CDC14A: variants seen among roughly 807,000 people sequenced by gnomAD.
CDC14A encodes dual specificity protein phosphatase CDC14A.
A neutral mutation model predicts 74.4 loss-of-function variants in CDC14A; 53 were observed. That is an observed-to-expected ratio of 0.71 (90% confidence interval 0.57 to 0.89). CDC14A has a LOEUF of 0.89. CDC14A is among the 40% of genes least tolerant of loss of function. The pLI is 0.00. For synonymous variants in CDC14A, 247 were observed against 258.4 expected, an observed-to-expected ratio of 0.96 and a Z score of 0.43; for missense variants, 646 against 713.7, an observed-to-expected ratio of 0.91 and a Z score of 1.08.
chr1:100,485,978 C>G (rs1420218303), intron 11 of CDC14A: 1 of 152,156 alleles, frequency 6.6e-6, no homozygotes, highest in African/African-American at 2.4e-5. Context: ...GATGTTAGAG[C>G]CTTTGTTGAC....
At position 100,377,599 on chromosome 1, in the gene CDC14A, G is replaced by C; in HGVS notation, c.194G>C (p.Cys65Ser). 6.2e-7 allele frequency: 1 copy of C among 1,612,306 alleles called. No homozygotes were observed. The highest frequency in any genetic ancestry group is 8.5e-7 in the Non-Finnish European group (1 of 1,178,572). ...TTGGCAATGGTGTACAGATATTGCT[G>C]CAAACTAAACAAGAAACTAAAAGTG... ...LNLAMVYRYC[C>S]KLNKKLKSYS... is the part of the protein sequence containing the mutation. Residue 65 changes from cysteine to serine, a missense_variant, in exon 3 of 16, where the codon TGC becomes TCC. Coordinates refer to ENST00000336454, the MANE Select transcript of CDC14A (RefSeq NM_003672.4).
chr1:100,515,508 C>T (rs539030947), intron 15 of CDC14A, among the ~76,000 whole-genome samples: 53 of 151,980 alleles, frequency 3.5e-4, no homozygotes, highest in Non-Finnish European at 6.8e-4. Context: ...CTCAACCTCC[C>T]GAGTAGCTGG....
At chr1:100,431,025 G>A (rs947990273) in intron 5 of CDC14A, among the ~76,000 whole-genome samples, 2 of 152,158 alleles carry the variant, frequency 1.3e-5, no homozygotes, top group African/African-American at 4.8e-5. Flanking sequence ...GAAAATAGAT[G>A]GCTTTTCCAG....
chr1:100,508,792 C>T lies in CDC14A; in HGVS notation c.1756-9459C>T, dbSNP rs140341111. The stretch of plus-strand genomic sequence containing the variant: ...TACCCACATGAATGGAACACCCAGC[C>T]ACTTCTGCAGGCTTCCAGCTGTGTA... On this transcript the variant is annotated intron_variant, in intron 15 of 15. Transcript: ENST00000336454. This position sits in a 1 kb window ranked among gnomAD's most constrained non-coding sequence, Gnocchi z 4.4. Among the ~76,000 whole-genome samples, 3 of 152,346 alleles carry T rather than the reference C, an allele frequency of 2.0e-5. No individual in the cohort carries two copies. The East Asian group carries it at 5.8e-4, about 29-fold the overall frequency.
intron 4 of CDC14A, among the ~76,000 whole-genome samples, chr1:100,415,127 T>A (rs1360168187): frequency 2.0e-5 from 3 of 152,182 alleles, no homozygotes; most frequent in African/African-American, 7.2e-5. Context: ...CTGGTTGTAA[T>A]CAAATTAGAT....
At chr1:100,430,335 T>C (rs1332684594) in intron 5 of CDC14A, among the ~76,000 whole-genome samples, 2 of 152,164 alleles carry the variant, frequency 1.3e-5, no homozygotes, top group Non-Finnish European at 2.9e-5. Flanking sequence ...TTCACACCCC[T>C]CCCACTGGCA....
At chr1:100,350,246 C>T (rs866374171), upstream of CDC14A, among the ~76,000 whole-genome samples, 11 of 152,012 alleles carry the variant, frequency 7.2e-5, 1 homozygote, top group South Asian at 8.3e-4. Context: ...TGAGCCACCG[C>T]GCCCAGACAA....
intron 10 of CDC14A, among the ~76,000 whole-genome samples, chr1:100,476,043 T>G (rs1571291795): frequency 1.3e-5 from 2 of 152,200 alleles, no homozygotes; most frequent in East Asian, 3.8e-4. Context: ...CCACAGTTTA[T>G]TTCCTGTGGG....
At chr1:100,491,913 C>T (rs1441544239) in intron 11 of CDC14A, among the ~76,000 whole-genome samples, 6 of 149,946 alleles carry the variant, frequency 4.0e-5, no homozygotes, top group Admixed American at 1.3e-4. Flanking sequence ...CCCTCGTGGT[C>T]GTCACCACCG....
intron 15 of CDC14A, among the ~76,000 whole-genome samples, chr1:100,502,411 G>GAGT (rs1270491406): frequency 6.6e-6 from 1 of 152,196 alleles, no homozygotes; most frequent in African/African-American, 2.4e-5. Flanking sequence ...ATATTCAGTA[G>GAGT]AGTAACATGC....
At chr1:100,467,022 G>C (rs1667903669) in intron 9 of CDC14A, among the ~76,000 whole-genome samples, 1 of 151,918 alleles carries the variant, frequency 6.6e-6, no homozygotes, top group Non-Finnish European at 1.5e-5. Context: ...CTGTGACAGT[G>C]AAATTTCATG....
chr1:100,518,376 A>C lies in CDC14A; in HGVS notation c.*96A>C. On this transcript the variant is annotated 3_prime_UTR_variant, in exon 16 of 16. Coordinates refer to ENST00000336454, the MANE Select transcript of CDC14A (RefSeq NM_003672.4). ...GGGAAAGCAACTTCTTGCTGGAAGA[A>C]TATCTCTGCCTTCTTACCTTAAATT... 1.0e-6 allele frequency: 1 copy of C among 955,818 alleles called. No homozygotes were observed. Among genetic ancestry groups the C allele is most frequent in the Non-Finnish European group, 1.7e-6 (1 of 584,932 alleles). The allele number at this position is 955,818 out of a possible 1,614,324, so 59.2% of individuals were successfully genotyped here. A position where few individuals can be genotyped will look rare whatever the true frequency, so the allele number is the denominator to read the frequency against.
intron 9 of CDC14A, among the ~76,000 whole-genome samples, chr1:100,465,259 A>C (rs932472154): frequency 1.7e-4 from 26 of 152,092 alleles, no homozygotes; most frequent in African/African-American, 6.0e-4. Flanking sequence ...CACCGTACCC[A>C]GTCTGTATTG....
intron 3 of CDC14A, among the ~76,000 whole-genome samples, chr1:100,386,128 C>G (rs1169502415): frequency 2.0e-5 from 3 of 150,978 alleles, no homozygotes; most frequent in African/African-American, 7.3e-5. Flanking sequence ...GATCATGCCA[C>G]TGTATTCCAG....
At chr1:100,410,438 C>T (rs1432205372) in intron 4 of CDC14A, among the ~76,000 whole-genome samples, 1 of 152,112 alleles carries the variant, frequency 6.6e-6, no homozygotes, top group African/African-American at 2.4e-5. Context: ...TCTCCTGCCT[C>T]AGCCTCCCGG....
chr1:100,489,582 G>GTTTTTTTTTTTTTTTTTTTTT (rs5776511), intron 11 of CDC14A, among the ~76,000 whole-genome samples: 1 of 146,822 alleles, frequency 6.8e-6, no homozygotes, highest in African/African-American at 2.5e-5. Context: ...CATCACTCAT[G>GTTTTTTTTTTTTTTTTTTTTT]TTTTTTTTTT....
chr1:100,367,578 A>T (rs1042606434), intron 2 of CDC14A, among the ~76,000 whole-genome samples: 2 of 152,236 alleles, frequency 1.3e-5, no homozygotes, highest in Non-Finnish European at 2.9e-5. Context: ...AAATAGTCTT[A>T]CAAGTGTAAG....
chr1:100,424,251 A>G lies in CDC14A; in HGVS notation c.339A>G (p.Glu113=), dbSNP rs1225116409. 6.2e-7 allele frequency: 1 copy of G among 1,613,384 alleles called. No individual in the cohort carries two copies. ...TCTATTTAAAGAAGACACCAGAAGA[A>G]GCCTACAGAGCACTCCTGTCTGGCT... ...AVIYLKKTPE[E]AYRALLSGSN... The change falls in exon 5 of 16, where the codon GAA becomes GAG. Residue 113 remains glutamate (E), a synonymous_variant. Transcript: ENST00000336454.
At chr1:100,355,170 A>T (rs1263455753) in intron 2 of CDC14A, among the ~76,000 whole-genome samples, 1 of 152,218 alleles carries the variant, frequency 6.6e-6, no homozygotes, top group African/African-American at 2.4e-5. Context: ...GGATGATGTC[A>T]CTGCCAGCAG....
Sources: allele counts gnomAD v4.1 joint callset (sites outside exome capture counted in the v4.1 genomes callset), GRCh38; gene constraint gnomAD v4.1.1; non-coding constraint Gnocchi (gnomAD v3.1); transcripts MANE v1.5; gene names NCBI Gene and HGNC (gene_info 2026-07-23, HGNC 2026-07-21).